DNAH11: variants seen among roughly 807,000 people sequenced by gnomAD.
The protein encoded by DNAH11 is axonemal beta dynein heavy chain 11.
In DNAH11, 442 loss-of-function variants were observed where a neutral mutation model predicts 526.0. The observed-to-expected ratio is 0.84, with a 90% CI of 0.78 to 0.91. The LOEUF is 0.91. DNAH11 is among the 40% of genes least tolerant of loss of function. DNAH11 has a pLI of 0.00. For missense variants in DNAH11, 6,989 were observed against 5,448.7 expected (o/e 1.28, Z -8.90); for synonymous variants, 2,461 against 1,935.9 (o/e 1.27, Z -7.12).
At chr7:21,549,723 A>T (rs1782947790) in intron 2 of DNAH11, among the ~76,000 whole-genome samples, 1 of 152,194 alleles carries the variant, frequency 6.6e-6, no homozygotes. Flanking sequence ...TCCAGGCTGG[A>T]GTTACCCACC....
chr7:21,558,773 T>TTAATTTAACTA, intron 2 of DNAH11, 29 bp from the exon 3 acceptor site: 1 of 1,514,696 alleles, frequency 6.6e-7, no homozygotes, highest in Non-Finnish European at 8.9e-7. Context: ...TGTCTGTAAA[T>TTAATTTAACTA]TAATTTAACT....
chr7:21,892,333 C>G (rs1487714561), intron 76 of DNAH11, 92 bp from the exon 77 acceptor site: 2 of 1,513,574 alleles, frequency 1.3e-6, no homozygotes, highest in African/African-American at 2.8e-5. Flanking sequence ...TGTGCTGGAG[C>G]CTTCTTGTCA....
chr7:21,768,329 G>GA (rs1448763287), intron 55 of DNAH11, among the ~76,000 whole-genome samples: 1 of 152,158 alleles, frequency 6.6e-6, no homozygotes, highest in Non-Finnish European at 1.5e-5. Flanking sequence ...TTTCTACAAC[G>GA]AAAAATCAAG....
At chr7:21,773,160 T>C (rs1436834903) in intron 55 of DNAH11, among the ~76,000 whole-genome samples, 6 of 152,164 alleles carry the variant, frequency 3.9e-5, no homozygotes, top group Non-Finnish European at 4.4e-5. Context: ...GGAAAGAATG[T>C]ATAGTGGGGG....
chr7:21,735,925 T>A, intron 46 of DNAH11, 81 bp downstream of exon 46: 1 of 1,284,474 alleles, frequency 7.8e-7, no homozygotes, highest in Non-Finnish European at 1.1e-6. Context: ...AGACTAATAA[T>A]GCCTTTCCCT....
chr7:21,816,747 A>C, intron 64 of DNAH11, 45 bp downstream of exon 64: 2 of 1,531,732 alleles, frequency 1.3e-6, no homozygotes, highest in South Asian at 2.3e-5. Context: ...ACCTGCTGTG[A>C]AGTGGGTCTG....
chr7:21,626,093 C>G lies in DNAH11; in HGVS notation c.4500+6015C>G, dbSNP rs532878026. 2.0e-5 allele frequency among the ~76,000 whole-genome samples: 3 copies of G among 152,182 alleles called. No individual in the cohort carries two copies. The East Asian group carries it at 5.8e-4, about 29-fold the overall frequency. ...CTACTGGAATTTTTCTCTTCTAGAT[C>G]TTTTGAAATACACAATAGATTATTG... is the stretch of plus-strand genomic sequence containing the variant. On this transcript the variant is annotated intron_variant, in intron 25 of 81. Transcript: ENST00000409508.
chr7:21,798,061 C>T (rs1219919234), intron 61 of DNAH11, among the ~76,000 whole-genome samples: 1 of 152,172 alleles, frequency 6.6e-6, no homozygotes, highest in Non-Finnish European at 1.5e-5. Context: ...GAGTCCACAC[C>T]ACCAGGGTCA....
At chr7:21,647,505 C>G (rs1787412472) in intron 28 of DNAH11, among the ~76,000 whole-genome samples, 1 of 149,480 alleles carries the variant, frequency 6.7e-6, no homozygotes, top group South Asian at 2.1e-4. Flanking sequence ...TCTCGGCTCA[C>G]TGCAGGCTCC....
At chr7:21,697,010 G>T (rs1454811332) in intron 35 of DNAH11, among the ~76,000 whole-genome samples, 1 of 152,090 alleles carries the variant, frequency 6.6e-6, no homozygotes, top group Non-Finnish European at 1.5e-5. Flanking sequence ...GAAAAAATAT[G>T]GGGTTAGTTT....
intron 27 of DNAH11, among the ~76,000 whole-genome samples, chr7:21,638,691 GGTGTGTGT>G (rs56257528): frequency 0.031 from 4,539 of 144,156 alleles, 203 homozygotes; most frequent in African/African-American, 0.1. Context: ...CAGCTAATGG[GGTGTGTGT>G]GTGTGTGTGT....
Position 21,881,407 on chromosome 7 carries a change from C to A in DNAH11, c.12387+514C>A, listed in dbSNP as rs77887775. Among the ~76,000 whole-genome samples, 36 of 152,170 alleles carry A rather than the reference C, an allele frequency of 2.4e-4. No individual in the cohort carries two copies. In the East Asian group the frequency reaches 6.4e-3, roughly 27 times the overall value. ...GTTGTGACTTTCTCAGTAATGTTCC[C>A]CTTGATTTGAAGTTAAAGGTAGATG... On this transcript the variant is annotated intron_variant, in intron 75 of 81. Transcript: ENST00000409508.
intron 30 of DNAH11, among the ~76,000 whole-genome samples, chr7:21,676,777 C>T (rs1055655931): frequency 2.6e-5 from 4 of 152,100 alleles, no homozygotes; most frequent in African/African-American, 9.7e-5. Flanking sequence ...TATTTTAAAC[C>T]AAATACTGGT....
At chr7:21,734,341 A>G (rs965439486) in intron 45 of DNAH11, among the ~76,000 whole-genome samples, 1 of 152,234 alleles carries the variant, frequency 6.6e-6, no homozygotes, top group African/African-American at 2.4e-5. Flanking sequence ...ATTGGTATTA[A>G]TATGTGGGAA....
At chr7:21,690,120 C>G (rs762227853) in intron 34 of DNAH11, among the ~76,000 whole-genome samples, 8 of 152,216 alleles carry the variant, frequency 5.3e-5, no homozygotes, top group Non-Finnish European at 1.0e-4. Context: ...TTTATAATCC[C>G]TTTTAAATCC....
chr7:21,713,501 T>C (rs1784538537), intron 42 of DNAH11, among the ~76,000 whole-genome samples: 1 of 152,166 alleles, frequency 6.6e-6, no homozygotes, highest in African/African-American at 2.4e-5. Context: ...CCTTCCAGGT[T>C]CTGGCAGTCC....
At chr7:21,746,814 T>C (rs150160896) in intron 51 of DNAH11, among the ~76,000 whole-genome samples, 1 of 152,138 alleles carries the variant, frequency 6.6e-6, no homozygotes, top group African/African-American at 2.4e-5. Flanking sequence ...GAAGTTTCAG[T>C]TGGAATCTAA....
intron 42 of DNAH11, among the ~76,000 whole-genome samples, chr7:21,714,197 C>A (rs1371421282): frequency 6.6e-6 from 1 of 152,160 alleles, no homozygotes; most frequent in Admixed American, 6.5e-5. Context: ...CACGGGTTGG[C>A]TAAAGAGACA....
At chr7:21,763,235 A>G (rs1422104462) in intron 54 of DNAH11, among the ~76,000 whole-genome samples, 2 of 151,254 alleles carry the variant, frequency 1.3e-5, no homozygotes, top group African/African-American at 4.9e-5. Context: ...CCAGCTACTC[A>G]GGAGGCTGAG....
Sources: gnomAD v4.1 joint callset for allele counts (sites outside exome capture counted in the v4.1 genomes callset) on GRCh38, gnomAD v4.1.1 for gene constraint, MANE v1.5 for transcripts, NCBI Gene and HGNC (gene_info 2026-07-23, HGNC 2026-07-21) for gene names.